BBOF1: variants seen among roughly 807,000 people sequenced by gnomAD.
BBOF1 encodes the protein basal body-orientation factor 1.
In BBOF1, 62 loss-of-function variants were observed where a neutral mutation model predicts 68.0. That is an observed-to-expected ratio of 0.91 (90% CI 0.74 to 1.13). The LOEUF (loss-of-function observed/expected upper bound fraction) is 1.13. Among genes scored for constraint, BBOF1 ranks in the 50% most tolerant of loss-of-function variants. BBOF1 has a pLI of 0.00. For synonymous variants in BBOF1, 208 were observed against 198.8 expected (o/e 1.05, Z -0.39); for missense variants, 534 against 600.1 (o/e 0.89, Z 1.15).
chr14:74,044,508 G>A (rs114410466), intron 5 of BBOF1, among the ~76,000 whole-genome samples: 8,064 of 147,146 alleles, frequency 0.055, 681 homozygotes, highest in African/African-American at 0.18. Flanking sequence ...AGTCACCCAG[G>A]CTGGAGTGCA....
chr14:74,068,866 G>A (rs570743109), downstream of BBOF1: 10 of 1,613,960 alleles, frequency 6.2e-6, no homozygotes, highest in South Asian at 9.9e-5. Context: ...TCACCATATT[G>A]GCTTGAACCC....
chr14:74,082,601 T>C (rs999765042), intron 12 of BBOF1, among the ~76,000 whole-genome samples: 1 of 152,056 alleles, frequency 6.6e-6, no homozygotes, highest in Non-Finnish European at 1.5e-5. Context: ...GGTTTTACCA[T>C]GTTGGTCAGG....
chr14:74,042,879 GACACACACAC>G (rs71460947), intron 5 of BBOF1, among the ~76,000 whole-genome samples: 17 of 143,770 alleles, frequency 1.2e-4, no homozygotes, highest in Admixed American at 4.2e-4. Flanking sequence ...CACACACACA[GACACACACAC>G]ACACACACAC....
In BBOF1 at chr14:74,049,731, G is replaced by T. The variant is rs200080708; in HGVS notation, c.822G>T (p.Lys274Asn). 9.9e-4 allele frequency: 1,597 copies of T among 1,610,606 alleles called. 1 individual carries two copies. The highest frequency in any genetic ancestry group is 1.3e-3 in the Non-Finnish European group (1,500 of 1,178,772). ...TCAATGATCTGTTGGTTAAGGAAAA[G>T]ATTATGCAACTTGTCCAGCAGAGAT... ...KEINDLLVKEKIMQLVQQRSQ... is the reference protein window; with the variant it reads ...KEINDLLVKENIMQLVQQRSQ... Residue 274 changes from lysine to asparagine, a missense_variant, in exon 8 of 12, where the codon AAG (lysine) becomes AAT (asparagine). Transcript: ENST00000394009.
intron 1 of BBOF1, among the ~76,000 whole-genome samples, chr14:74,021,158 A>G (rs899811406): frequency 6.6e-6 from 1 of 152,224 alleles, no homozygotes; most frequent in African/African-American, 2.4e-5. Context: ...CATGGTACCT[A>G]CCATATATAA....
chr14:74,045,402 C>T (rs1413194197), intron 5 of BBOF1, among the ~76,000 whole-genome samples: 1 of 152,116 alleles, frequency 6.6e-6, no homozygotes, highest in Non-Finnish European at 1.5e-5. Context: ...CTCTGCCTCC[C>T]GGGTTCAAGT....
At chr14:74,063,144 G>A (rs1466369249) in intron 11 of BBOF1, among the ~76,000 whole-genome samples, 1 of 152,018 alleles carries the variant, frequency 6.6e-6, no homozygotes, top group South Asian at 2.1e-4. Flanking sequence ...TTCCTGCCTC[G>A]GGACATATGC....
chr14:74,022,807 CAAAT>C (rs908032181), intron 1 of BBOF1, 105 bp from the exon 2 acceptor site: 7 of 459,296 alleles, frequency 1.5e-5, no homozygotes, highest in African/African-American at 6.1e-5. Context: ...CCAAGCAAAA[CAAAT>C]AAAAAAAGAG....
chr14:74,079,311 A>C (rs1162596600), intron 10 of BBOF1, among the ~76,000 whole-genome samples: 4 of 151,576 alleles, frequency 2.6e-5, no homozygotes, highest in African/African-American at 9.7e-5. Flanking sequence ...CAATGGCGCA[A>C]TCTCGGCTCA....
chr14:74,036,727 A>T (rs1196953944), intron 4 of BBOF1, among the ~76,000 whole-genome samples: 1 of 149,872 alleles, frequency 6.7e-6, no homozygotes, highest in African/African-American at 2.5e-5. Flanking sequence ...CCTCCACTGT[A>T]AACAGAATAT....
At chr14:74,069,988 C>G (rs907740922), downstream of BBOF1, among the ~76,000 whole-genome samples, 2 of 151,558 alleles carry the variant, frequency 1.3e-5, no homozygotes, top group Admixed American at 1.3e-4. Context: ...CCTGCACATG[C>G]CACCATTCCT....
intron 4 of BBOF1, 106 bp from the exon 5 acceptor site, chr14:74,040,459 T>A (rs2059805897): frequency 1.4e-6 from 1 of 701,886 alleles, no homozygotes; most frequent in Non-Finnish European, 2.4e-6. Flanking sequence ...GATTAAGAGG[T>A]AACATATAAC....
chr14:74,055,560 T>C, intron 8 of BBOF1, 24 bp from the exon 9 acceptor site: 2 of 1,519,736 alleles, frequency 1.3e-6, no homozygotes, highest in Non-Finnish European at 1.8e-6. Flanking sequence ...CCTTTTCACA[T>C]TTTTTTCCTT....
rs767433735 is a variant in BBOF1 at position 74,064,729 on chromosome 14, G to T, written c.*30G>T. On this transcript the variant is annotated 3_prime_UTR_variant, in exon 12 of 12. Transcript: ENST00000394009. ...CACTGATTATGACCTCACAGATGCT[G>T]CTGGCAGTCCCTTCCTTGCAGAATC... The T allele has an allele frequency of 3.1e-6, 5 of 1,613,310 alleles. No individual in the cohort carries two copies. In the East Asian group the frequency reaches 8.9e-5, roughly 29 times the overall value.
Position 74,057,219 on chromosome 14 carries a change from G to A in BBOF1, c.1539G>A (p.Val513=), listed in dbSNP as rs753494464. ...TATCAGACTCTTCTGGTGAAGTGGT[G>A]CTACCCACTATTCCAAAAGAACCTC... ...IAISDSSGEV[V]LPTIPKEPQE... Residue 513 remains valine (V), a synonymous_variant, in exon 11 of 12, where the codon GTG becomes GTA. Coordinates refer to ENST00000394009, the MANE Select transcript of BBOF1 (RefSeq NM_025057.3). 1 of 1,613,834 alleles carries A rather than the reference G, an allele frequency of 6.2e-7. No homozygotes were observed. Among genetic ancestry groups the A allele is most frequent in the Non-Finnish European group, 8.5e-7 (1 of 1,179,770 alleles).
intron 10 of BBOF1, among the ~76,000 whole-genome samples, chr14:74,079,099 T>C (rs956472813): frequency 6.6e-6 from 1 of 151,836 alleles, no homozygotes; most frequent in African/African-American, 2.4e-5. Context: ...AACTCTTTAG[T>C]CCTTGGCCAG....
intron 5 of BBOF1, among the ~76,000 whole-genome samples, chr14:74,041,098 G>A (rs1453143746): frequency 4.6e-5 from 7 of 152,110 alleles, no homozygotes; most frequent in African/African-American, 1.7e-4. Flanking sequence ...CAGGTGGATC[G>A]TCTCAGGTCA....
intron 4 of BBOF1, among the ~76,000 whole-genome samples, chr14:74,037,376 C>G (rs560858051): frequency 1.0e-4 from 15 of 145,800 alleles, no homozygotes; most frequent in African/African-American, 3.8e-4. Flanking sequence ...ACTGCAGCCT[C>G]TACTTCCCTG....
At chr14:74,071,688 A>G (rs1424236738) in intron 9 of BBOF1, 3 of 1,499,846 alleles carry the variant, frequency 2.0e-6, no homozygotes, top group Middle Eastern at 2.4e-4. Flanking sequence ...AGCGATATGT[A>G]TATACCCACT....
Sources: allele counts gnomAD v4.1 joint callset (sites outside exome capture counted in the v4.1 genomes callset), GRCh38; gene constraint gnomAD v4.1.1; transcripts MANE v1.5; gene names NCBI Gene and HGNC (gene_info 2026-07-23, HGNC 2026-07-21).